The following MAGI2 variants were observed in gnomAD, a reference collection of about 807,000 sequenced individuals.
MAGI2 encodes the protein membrane associated guanylate kinase, WW and PDZ domain containing 2, also known as membrane-associated guanylate kinase, WW and PDZ domain-containing protein 2.
Under a neutral mutation model 133.3 loss-of-function variants are expected in MAGI2, and 35 were observed. The ratio of observed to expected loss-of-function variants is 0.26; its 90% confidence interval spans 0.20 to 0.35. The LOEUF (loss-of-function observed/expected upper bound fraction) is 0.35. Among genes scored for constraint, MAGI2 ranks in the 10% least tolerant of loss-of-function variants. The pLI, the probability that MAGI2 is intolerant of heterozygous loss-of-function variation, is 1.00. For synonymous variants in MAGI2, 729 were observed against 710.6 expected (o/e 1.03, Z -0.41); for missense variants, 1,636 against 1,863.4 (o/e 0.88, Z 2.25).
chr7:78,386,102 C>T (rs1019310753), intron 6 of MAGI2, among the ~76,000 whole-genome samples: 1 of 152,074 alleles, frequency 6.6e-6, no homozygotes, highest in Non-Finnish European at 1.5e-5. Context: ...CTGCAGCATT[C>T]CTGGGCAGAA....
At chr7:79,162,901 C>CTT (rs1824509310) in intron 1 of MAGI2, among the ~76,000 whole-genome samples, 1 of 152,040 alleles carries the variant, frequency 6.6e-6, no homozygotes, top group South Asian at 2.1e-4. Context: ...TGGCTTTTTA[C>CTT]TTAAAATAAT....
chr7:78,740,206 T>C lies in MAGI2; in HGVS notation c.419-112967A>G, dbSNP rs190868636. Among the ~76,000 whole-genome samples the C allele has an allele frequency of 8.7e-4, 132 of 152,158 alleles. 1 individual carries two copies. Among genetic ancestry groups the C allele is most frequent in the Non-Finnish European group, 1.6e-3 (111 of 67,978 alleles). On this transcript the variant is annotated intron_variant, in intron 2 of 21. Transcript: ENST00000354212. Reference sequence around the variant, plus strand: ...AAATATTGTATGATAACCTGACATCTATCTCTATTACTGGCCTTATTCTGG... The same window carrying C: ...AAATATTGTATGATAACCTGACATCCATCTCTATTACTGGCCTTATTCTGG...
intron 6 of MAGI2, among the ~76,000 whole-genome samples, chr7:78,460,062 C>T (rs1208316867): frequency 6.6e-6 from 1 of 152,168 alleles, no homozygotes; most frequent in Non-Finnish European, 1.5e-5. Context: ...AATATCCAAC[C>T]CCTGTGTATA....
chr7:78,272,076 C>A (rs1305301886), intron 9 of MAGI2, among the ~76,000 whole-genome samples: 2 of 152,160 alleles, frequency 1.3e-5, no homozygotes, highest in Non-Finnish European at 2.9e-5. Flanking sequence ...CTCTTGCGGG[C>A]ATTTAGTGTT....
chr7:78,758,064 A>G (rs1410679159), intron 2 of MAGI2, among the ~76,000 whole-genome samples: 1 of 152,154 alleles, frequency 6.6e-6, no homozygotes, highest in South Asian at 2.1e-4. Flanking sequence ...TAGTCATCTT[A>G]GTATTGCCTG....
intron 10 of MAGI2, among the ~76,000 whole-genome samples, chr7:78,222,666 G>A (rs1584456189): frequency 6.6e-6 from 1 of 152,108 alleles, no homozygotes; most frequent in African/African-American, 2.4e-5. Flanking sequence ...ATCTATGAAG[G>A]CCCCATCTCT....
intron 9 of MAGI2, among the ~76,000 whole-genome samples, chr7:78,276,664 T>C (rs1795090924): frequency 6.6e-6 from 1 of 152,046 alleles, no homozygotes; most frequent in South Asian, 2.1e-4. Flanking sequence ...AGGTAAAAGA[T>C]AATTGCAGTT....
chr7:78,543,033 A>G (rs1798540876), intron 3 of MAGI2, among the ~76,000 whole-genome samples: 2 of 152,192 alleles, frequency 1.3e-5, no homozygotes, highest in Non-Finnish European at 2.9e-5. Context: ...TGATTTCCTA[A>G]GCCCAAACTG....
chr7:78,835,639 C>T (rs1791554802), intron 2 of MAGI2, among the ~76,000 whole-genome samples: 1 of 152,134 alleles, frequency 6.6e-6, no homozygotes, highest in South Asian at 2.1e-4. Flanking sequence ...TATCATTCCT[C>T]ACTCCCAGGA....
intron 1 of MAGI2, among the ~76,000 whole-genome samples, chr7:79,370,977 A>G (rs140279446): frequency 6.6e-6 from 1 of 152,078 alleles, no homozygotes; most frequent in African/African-American, 2.4e-5. Context: ...CAGATAATAT[A>G]GATATCCTTG....
chr7:78,397,483 T>C (rs73144443), intron 6 of MAGI2, among the ~76,000 whole-genome samples: 8,117 of 151,722 alleles, frequency 0.053, 291 homozygotes, highest in Middle Eastern at 0.12. Flanking sequence ...TCTAGGCAAA[T>C]CAAGGAAGCA....
chr7:79,215,995 C>G (rs1830005234), intron 1 of MAGI2, among the ~76,000 whole-genome samples: 1 of 151,826 alleles, frequency 6.6e-6, no homozygotes, highest in Non-Finnish European at 1.5e-5. Context: ...GAACCCCAAG[C>G]CTGGAAACCC....
At chr7:78,466,799 G>A (rs79316570) in intron 6 of MAGI2, among the ~76,000 whole-genome samples, 1,770 of 152,214 alleles carry the variant, frequency 0.012, 25 homozygotes, top group African/African-American at 0.039. Context: ...ATAGGGTTGC[G>A]TGACTGGGCT....
At chr7:78,035,884 C>T (rs2428929) in intron 21 of MAGI2, among the ~76,000 whole-genome samples, 75,499 of 151,880 alleles carry the variant, frequency 0.5, 19,143 homozygotes, top group Non-Finnish European at 0.55. Context: ...TCTAAAGCTT[C>T]GTTGTTAGTA....
chr7:79,425,159 T>A (rs1013554274), intron 1 of MAGI2, among the ~76,000 whole-genome samples: 2 of 150,496 alleles, frequency 1.3e-5, no homozygotes, highest in African/African-American at 4.9e-5. Flanking sequence ...GGCTAAGTCA[T>A]GAGAATTGCT....
chr7:78,793,723 C>G (rs1159240251), intron 2 of MAGI2, among the ~76,000 whole-genome samples: 1 of 152,024 alleles, frequency 6.6e-6, no homozygotes, highest in Non-Finnish European at 1.5e-5. Context: ...TATTTGAATA[C>G]CATAAAACAT....
At chr7:78,618,428 A>T (rs1231679800) in intron 3 of MAGI2, 1 of 151,914 alleles carries the variant, frequency 6.6e-6, no homozygotes, top group Non-Finnish European at 1.5e-5. Context: ...ATTTTTTTCC[A>T]CTCAGAAAAA....
intron 2 of MAGI2, among the ~76,000 whole-genome samples, chr7:78,754,340 C>G (rs1823738243): frequency 6.6e-6 from 1 of 151,546 alleles, no homozygotes; most frequent in South Asian, 2.1e-4. Context: ...CACTGCACTC[C>G]AGCCTGGGCA....
At chr7:78,603,955 A>G (rs1248867860) in intron 3 of MAGI2, among the ~76,000 whole-genome samples, 5 of 152,234 alleles carry the variant, frequency 3.3e-5, no homozygotes. Flanking sequence ...AATGGTCAGA[A>G]TAAGAAATTG....
Sources: gnomAD v4.1 joint callset for allele counts (sites outside exome capture counted in the v4.1 genomes callset) on GRCh38, gnomAD v4.1.1 for gene constraint, MANE v1.5 for transcripts, NCBI Gene and HGNC (gene_info 2026-07-23, HGNC 2026-07-21) for gene names.